Variants in SLC22A23 observed in about 807,000 individuals in gnomAD.
SLC22A23 encodes ion transporter protein.
Under a neutral mutation model 61.0 loss-of-function variants are expected in SLC22A23, and 26 were observed. That is an observed-to-expected ratio of 0.43 (90% CI 0.31 to 0.59). The LOEUF is 0.59. Among genes scored for constraint, SLC22A23 ranks in the 20% least tolerant of loss-of-function variants. SLC22A23 has a pLI of 0.11. For missense variants in SLC22A23, 796 were observed against 934.7 expected (o/e 0.85, Z 1.94); for synonymous variants, 430 against 413.9 (o/e 1.04, Z -0.47).
At chr6:3,321,085 C>T (rs1762919284) in intron 4 of SLC22A23, among the ~76,000 whole-genome samples, 1 of 147,344 alleles carries the variant, frequency 6.8e-6, no homozygotes, top group Non-Finnish European at 1.5e-5. Flanking sequence ...TGCTCAGGGT[C>T]ACACAGCTAC....
chr6:3,383,096 C>T (rs1767055991), intron 3 of SLC22A23, among the ~76,000 whole-genome samples: 1 of 152,170 alleles, frequency 6.6e-6, no homozygotes, highest in Admixed American at 6.5e-5. Flanking sequence ...AAAGCAATGA[C>T]AGCCCAAATG....
intron 3 of SLC22A23, among the ~76,000 whole-genome samples, chr6:3,349,363 C>T (rs1025659752): frequency 3.3e-5 from 5 of 152,144 alleles, no homozygotes; most frequent in Non-Finnish European, 5.9e-5. Flanking sequence ...CTCCCTATCC[C>T]ACCTACCCGA....
At chr6:3,361,729 C>T (rs1765460923) in intron 3 of SLC22A23, among the ~76,000 whole-genome samples, 1 of 152,232 alleles carries the variant, frequency 6.6e-6, no homozygotes, top group African/African-American at 2.4e-5. Context: ...GCGTCTGTTA[C>T]CCAGTTGTCT....
At chr6:3,295,496 C>T (rs1200425561) in intron 5 of SLC22A23, among the ~76,000 whole-genome samples, 1 of 152,064 alleles carries the variant, frequency 6.6e-6, no homozygotes, top group South Asian at 2.1e-4. Context: ...GGCTTGAAGC[C>T]GGTGGTGATG....
In SLC22A23 at chr6:3,323,919, G is replaced by A. The variant is rs777762987; in HGVS notation, c.997C>T (p.Pro333Ser). The change falls in exon 4 of 10, where the codon CCT becomes TCT. Residue 333 changes from proline to serine, a missense_variant. By Grantham distance (74) the Pro-to-Ser change is moderately conservative. Transcript: ENST00000406686. ...FVAMAGQFLMPGLAALCRDWQ... is the reference protein window; with the variant it reads ...FVAMAGQFLMSGLAALCRDWQ... ...TCCCGGCACAGGGCGGCTAGCCCAG[G>A]CATGAGGAACTGGCCCGCCATGGCC... The A allele has an allele frequency of 2.5e-6, 4 of 1,614,084 alleles. No individual in the cohort carries two copies. In the African/African-American group the frequency reaches 4.0e-5, roughly 16 times the overall value.
chr6:3,389,878 G>C (rs926670409), intron 3 of SLC22A23, among the ~76,000 whole-genome samples: 1 of 152,248 alleles, frequency 6.6e-6, no homozygotes, highest in Non-Finnish European at 1.5e-5. Flanking sequence ...AGTGGAGAAC[G>C]GCCTTGCTGG....
intron 9 of SLC22A23, among the ~76,000 whole-genome samples, chr6:3,281,611 C>T (rs1305362274): frequency 6.6e-6 from 1 of 152,134 alleles, no homozygotes; most frequent in East Asian, 1.9e-4. Flanking sequence ...CTCACGGGCC[C>T]CAGGCTGCCC....
At chr6:3,294,222 C>T (rs1204012951) in intron 5 of SLC22A23, among the ~76,000 whole-genome samples, 3 of 151,798 alleles carry the variant, frequency 2.0e-5, no homozygotes, top group African/African-American at 7.3e-5. Flanking sequence ...GCGCTTCCTC[C>T]GATGCCTGGC....
rs1375021903 is a variant in SLC22A23, at chr6:3,427,116, C to T, written c.655-11261G>A. On this transcript the variant is annotated intron_variant, in intron 1 of 9. Transcript: ENST00000406686. The surrounding 1 kb of genome is among the most constrained non-coding windows in gnomAD (Gnocchi z 4.3). ...CCCAGTTTTATTTCTAGTTTCGCCC[C>T]GCGGTCATCAGGGCAAGCTTTTTCA... Among the ~76,000 whole-genome samples the T allele has an allele frequency of 2.6e-5, 4 of 152,156 alleles. No homozygotes were observed. In the South Asian group the frequency reaches 6.2e-4, roughly 24 times the overall value.
intron 3 of SLC22A23, among the ~76,000 whole-genome samples, chr6:3,371,621 T>G (rs1317001402): frequency 1.3e-5 from 2 of 152,170 alleles, no homozygotes; most frequent in African/African-American, 4.8e-5. Context: ...TTTTCTCATT[T>G]GTAAAATGGG....
intron 1 of SLC22A23, among the ~76,000 whole-genome samples, chr6:3,425,592 A>T (rs763882438): frequency 1.3e-5 from 2 of 152,170 alleles, no homozygotes; most frequent in Non-Finnish European, 2.9e-5. Context: ...CCGAATAATT[A>T]TCTCTTAATA....
At chr6:3,338,781 T>C (rs1171048300) in intron 3 of SLC22A23, among the ~76,000 whole-genome samples, 1 of 152,240 alleles carries the variant, frequency 6.6e-6, no homozygotes, top group Admixed American at 6.5e-5. Flanking sequence ...TTTAAAAGCC[T>C]ATACAGAATT....
At position 3,410,630 on chromosome 6, in the gene SLC22A23, T is replaced by C. The variant is rs1769160623; in HGVS notation, c.759-288A>G. ...CTGTTGCTGAGTCTATTTCTGAGTG[T>C]ATAGTGATATAATTCAAGGCAAGGG... On this transcript the variant is annotated intron_variant, in intron 2 of 9. Coordinates refer to ENST00000406686, the MANE Select transcript of SLC22A23 (RefSeq NM_015482.2). This position sits in a 1 kb window ranked among gnomAD's most constrained non-coding sequence, Gnocchi z 5.0. Among the ~76,000 whole-genome samples the C allele has an allele frequency of 6.6e-6, 1 of 152,150 alleles. No homozygotes were observed. Among genetic ancestry groups the C allele is most frequent in the African/African-American group, 2.4e-5 (1 of 41,418 alleles).
intron 3 of SLC22A23, among the ~76,000 whole-genome samples, chr6:3,366,808 G>A: frequency 6.6e-6 from 1 of 152,310 alleles, no homozygotes; most frequent in African/African-American, 2.4e-5. Context: ...ACCTTGGACA[G>A]GCAGGATCCT....
chr6:3,354,206 G>A (rs1178805629), intron 3 of SLC22A23, among the ~76,000 whole-genome samples: 2 of 152,192 alleles, frequency 1.3e-5, no homozygotes, highest in Non-Finnish European at 2.9e-5. Flanking sequence ...CACATAGCAT[G>A]GTGCACTCCC....
chr6:3,454,946 G>A lies in SLC22A23; in HGVS notation c.654+960C>T, dbSNP rs1772321426. Among the ~76,000 whole-genome samples, 1 of 152,220 alleles carries A rather than the reference G, an allele frequency of 6.6e-6. No homozygotes were observed. Among genetic ancestry groups the A allele is most frequent in the Non-Finnish European group, 1.5e-5 (1 of 68,042 alleles). The stretch of plus-strand genomic sequence containing the variant: ...GAACAGCCCAGAATGGGTAGCGGGT[G>A]GGGTGGAGGAGAGTCTGTATTTACT... On this transcript the variant is annotated intron_variant, in intron 1 of 9. Transcript: ENST00000406686. This position sits in a 1 kb window ranked among gnomAD's most constrained non-coding sequence, Gnocchi z 4.3.
At chr6:3,385,984 A>G (rs1361670239) in intron 3 of SLC22A23, among the ~76,000 whole-genome samples, 1 of 152,216 alleles carries the variant, frequency 6.6e-6, no homozygotes, top group East Asian at 1.9e-4. Flanking sequence ...TACTGCAACA[A>G]ACACCCAAGC....
intron 3 of SLC22A23, among the ~76,000 whole-genome samples, chr6:3,358,593 C>T (rs1181568591): frequency 1.3e-5 from 2 of 151,974 alleles, no homozygotes; most frequent in African/African-American, 2.4e-5. Flanking sequence ...GGGAGTTGCT[C>T]GTCAACTAGC....
rs1217841463 is a variant in SLC22A23 at position 3,386,108 on chromosome 6, G to A, written c.913+24080C>T. On this transcript the variant is annotated intron_variant, in intron 3 of 9. Transcript: ENST00000406686. The surrounding 1 kb of genome is among the most constrained non-coding windows in gnomAD (Gnocchi z 4.4). ...GGTCACTGATGAGGGGACTTCAATCGGCTTGAAGAACTCACACCTTTCCAC... is the reference window on the plus strand; with the variant it reads ...GGTCACTGATGAGGGGACTTCAATCAGCTTGAAGAACTCACACCTTTCCAC... Among the ~76,000 whole-genome samples, 2 of 152,090 alleles carry A rather than the reference G, an allele frequency of 1.3e-5. No individual in the cohort carries two copies. Among genetic ancestry groups the A allele is most frequent in the African/African-American group, 4.8e-5 (2 of 41,404 alleles).
Sources: gnomAD v4.1 joint callset for allele counts (sites outside exome capture counted in the v4.1 genomes callset) on GRCh38, gnomAD v4.1.1 for gene constraint, Gnocchi (gnomAD v3.1) non-coding constraint, MANE v1.5 for transcripts, NCBI Gene and HGNC (gene_info 2026-07-23, HGNC 2026-07-21) for gene names.